Variants in EPB41L3 observed in about 807,000 individuals in gnomAD.
The protein encoded by EPB41L3 is erythrocyte membrane protein band 4.1 like 3, also known as band 4.1-like protein 3.
Under a neutral mutation model 127.1 loss-of-function variants are expected in EPB41L3, and 57 were observed. That is an observed-to-expected ratio of 0.45 (90% CI 0.36 to 0.56). The LOEUF is 0.56. Among genes scored for constraint, EPB41L3 ranks in the 20% least tolerant of loss-of-function variants. The probability of loss-of-function intolerance (pLI) is 0.00; values close to 1 mark genes in which losing one functional copy is unlikely to be tolerated. For synonymous variants in EPB41L3, 572 were observed against 549.5 expected (o/e 1.04, Z -0.57); for missense variants, 1,273 against 1,372.2 (o/e 0.93, Z 1.14).
At chr18:5,614,450 T>C (rs1371450800) in intron 1 of EPB41L3, 1 of 152,174 alleles carries the variant, frequency 6.6e-6, no homozygotes, top group Admixed American at 6.5e-5. Context: ...TCAGAATTAG[T>C]GTCTCATTCC....
chr18:5,393,542 G>A, intron 22 of EPB41L3, 64 bp from the exon 23 acceptor site: 1 of 692,934 alleles, frequency 1.4e-6, no homozygotes, highest in East Asian at 2.7e-5. Flanking sequence ...CTCAGATCAA[G>A]GACACAAAAA....
intron 1 of EPB41L3, among the ~76,000 whole-genome samples, chr18:5,512,340 G>A (rs1333527824): frequency 1.3e-5 from 2 of 152,184 alleles, no homozygotes; most frequent in African/African-American, 4.8e-5. Context: ...GGGGAGATCA[G>A]GGTTTCCTTC....
At chr18:5,395,768 G>A in intron 19 of EPB41L3, 61 bp from the exon 20 acceptor site, 1 of 1,329,990 alleles carries the variant, frequency 7.5e-7, no homozygotes, top group South Asian at 1.2e-5. Context: ...TCAGAAGTTG[G>A]CTACGTTATT....
At chr18:5,627,355 A>G (rs1306413117) in intron 1 of EPB41L3, among the ~76,000 whole-genome samples, 2 of 152,180 alleles carry the variant, frequency 1.3e-5, no homozygotes, top group Non-Finnish European at 2.9e-5. Context: ...TCTAAAATGG[A>G]ATCAAACACT....
intron 1 of EPB41L3, among the ~76,000 whole-genome samples, chr18:5,518,999 G>A (rs541812744): frequency 2.4e-4 from 37 of 152,252 alleles, no homozygotes; most frequent in East Asian, 7.7e-4. Context: ...CAATCTGCTC[G>A]GCAAAGACGT....
intron 1 of EPB41L3, among the ~76,000 whole-genome samples, chr18:5,619,870 G>A (rs894033353): frequency 4.6e-5 from 7 of 152,050 alleles, no homozygotes; most frequent in Non-Finnish European, 8.8e-5. Flanking sequence ...TGAGATTCCA[G>A]GTAACACGGT....
chr18:5,501,711 T>C (rs1009628546), intron 1 of EPB41L3, among the ~76,000 whole-genome samples: 3 of 152,212 alleles, frequency 2.0e-5, no homozygotes, highest in East Asian at 1.9e-4. Flanking sequence ...TGACAGACTG[T>C]TGGCATTTTT....
chr18:5,585,310 G>GT (rs1363459541), intron 3 of EPB41L3, among the ~76,000 whole-genome samples: 1 of 151,950 alleles, frequency 6.6e-6, no homozygotes, highest in African/African-American at 2.4e-5. Flanking sequence ...AATATTTATG[G>GT]TTTTTTTGGT....
chr18:5,430,325 A>G (rs894991950), intron 8 of EPB41L3, among the ~76,000 whole-genome samples: 2 of 152,266 alleles, frequency 1.3e-5, no homozygotes, highest in South Asian at 4.2e-4. Context: ...TGAGAGCAGG[A>G]GCTCTGTTTA....
intron 1 of EPB41L3, among the ~76,000 whole-genome samples, chr18:5,522,745 G>C (rs1003669270): frequency 6.6e-6 from 1 of 152,040 alleles, no homozygotes; most frequent in Non-Finnish European, 1.5e-5. Context: ...TTCTGGTTGA[G>C]GGCAAATCTT....
chr18:5,494,324 T>G (rs575000807), intron 1 of EPB41L3, among the ~76,000 whole-genome samples: 54 of 152,134 alleles, frequency 3.5e-4, no homozygotes, highest in African/African-American at 1.2e-3. Context: ...CCAATCCACC[T>G]CACTCTTGGC....
intron 15 of EPB41L3, chr18:5,407,339 T>C: frequency 2.5e-6 from 1 of 399,980 alleles, no homozygotes; most frequent in Non-Finnish European, 4.5e-6. Flanking sequence ...TATTAATGGA[T>C]GAGCACACAG....
intron 14 of EPB41L3, among the ~76,000 whole-genome samples, chr18:5,408,273 C>CTTTTTTTTTTTT (rs1208956534): frequency 1.8e-4 from 9 of 50,462 alleles, no homozygotes; most frequent in African/African-American, 2.6e-4. Flanking sequence ...TTTCTTTTTT[C>CTTTTTTTTTTTT]TTTTTTTTTT....
chr18:5,430,752 C>T (rs559410568), intron 8 of EPB41L3, among the ~76,000 whole-genome samples: 33 of 150,180 alleles, frequency 2.2e-4, no homozygotes, highest in African/African-American at 8.1e-4. Context: ...TGGTAGAGAT[C>T]GGGTTCTGCT....
chr18:5,477,158 T>C (rs2087407291), intron 3 of EPB41L3, among the ~76,000 whole-genome samples: 1 of 152,154 alleles, frequency 6.6e-6, no homozygotes, highest in Non-Finnish European at 1.5e-5. Flanking sequence ...GAGCACATTA[T>C]AAAAACATAA....
At chr18:5,432,830 G>A (rs1020415366) in intron 8 of EPB41L3, among the ~76,000 whole-genome samples, 2 of 152,152 alleles carry the variant, frequency 1.3e-5, no homozygotes, top group African/African-American at 4.8e-5. Flanking sequence ...CTTAGCCTAG[G>A]TGAACTTTAA....
intron 8 of EPB41L3, among the ~76,000 whole-genome samples, chr18:5,429,730 TA>T (rs1271308741): frequency 2.6e-5 from 4 of 152,192 alleles, no homozygotes; most frequent in Non-Finnish European, 5.9e-5. Flanking sequence ...GGAGTGGAAA[TA>T]TTTGATGGCA....
chr18:5,408,970 C>T (rs2075851529), intron 14 of EPB41L3, among the ~76,000 whole-genome samples: 1 of 152,196 alleles, frequency 6.6e-6, no homozygotes, highest in South Asian at 2.1e-4. Flanking sequence ...AGAAAAGGAT[C>T]ACACTGAGTC....
At chr18:5,437,720 G>A (rs1213067865) in intron 6 of EPB41L3, among the ~76,000 whole-genome samples, 1 of 152,196 alleles carries the variant, frequency 6.6e-6, no homozygotes, top group African/African-American at 2.4e-5. Context: ...GAAAAACTAA[G>A]AGCTGCTATA....
Sources: gnomAD v4.1 joint callset for allele counts (sites outside exome capture counted in the v4.1 genomes callset) on GRCh38, gnomAD v4.1.1 for gene constraint, MANE v1.5 for transcripts, NCBI Gene and HGNC (gene_info 2026-07-23, HGNC 2026-07-21) for gene names.